Variants in PGBD1 observed in about 807,000 individuals in gnomAD.
PGBD1 encodes piggyBac transposable element derived 1, also known as piggyBac transposable element-derived protein 1.
A neutral mutation model predicts 34.7 loss-of-function variants in PGBD1; 25 were observed. That is an observed-to-expected ratio of 0.72 (90% CI 0.52 to 1.00). PGBD1 has a LOEUF of 1.00. Among genes scored for constraint, PGBD1 ranks in the 50% least tolerant of loss-of-function variants. PGBD1 has a pLI of 0.00. For missense variants in PGBD1, 830 were observed against 959.4 expected (o/e 0.87, Z 1.78); for synonymous variants, 292 against 335.7 (o/e 0.87, Z 1.42).
At chr6:28,291,890 A>G (rs2113749832) in intron 4 of PGBD1, among the ~76,000 whole-genome samples, 1 of 152,336 alleles carries the variant, frequency 6.6e-6, no homozygotes, top group East Asian at 1.9e-4. Flanking sequence ...AGCATTTGAT[A>G]AAATTCATTG....
intron 3 of PGBD1, among the ~76,000 whole-genome samples, chr6:28,286,772 C>T (rs973021499): frequency 6.6e-6 from 1 of 152,070 alleles, no homozygotes; most frequent in African/African-American, 2.4e-5. Context: ...TCACCAGCTT[C>T]TTCCTCCCCT....
intron 4 of PGBD1, among the ~76,000 whole-genome samples, chr6:28,288,685 G>C (rs1332414914): frequency 6.6e-6 from 1 of 151,928 alleles, no homozygotes; most frequent in Non-Finnish European, 1.5e-5. Context: ...GCAAGACCCT[G>C]TATCTATTTA....
At chr6:28,288,172 G>C (rs78007034) in intron 4 of PGBD1, among the ~76,000 whole-genome samples, 4,997 of 152,186 alleles carry the variant, frequency 0.033, 133 homozygotes, top group South Asian at 0.1. Flanking sequence ...AGAGAAAGTG[G>C]GGCCCTTAAT....
chr6:28,284,253 GACA>G (rs757248169), intron 2 of PGBD1, 44 bp downstream of exon 2: 2 of 1,449,724 alleles, frequency 1.4e-6, no homozygotes, highest in East Asian at 4.8e-5. Context: ...AGAAAAGGGG[GACA>G]TGTATCGGTT....
rs145647328 is a variant in PGBD1, at chr6:28,287,128, A to G, written c.602A>G (p.Asp201Gly). The part of the protein sequence containing the change: ...SAHLQEKNPR[D>G]KAVVPVFNPV... ...CATCTCCAGGAAAAAAACCCCAGAG[A>G]CAAGGCTGTAGTGCCTGTGTTTAAC... Residue 201 changes from aspartate (D) to glycine (G), a missense_variant, in exon 4 of 7, where the codon GAC (aspartate) becomes GGC (glycine). Around this residue, in one of 3 missense-constraint regions of PGBD1, gnomAD observed 457 missense variants for 515.4 expected, o/e 0.89. Transcript: ENST00000682144. 1.2e-6 allele frequency: 2 copies of G among 1,614,016 alleles called. No individual in the cohort carries two copies.
intron 3 of PGBD1, among the ~76,000 whole-genome samples, chr6:28,285,911 A>T (rs1762273654): frequency 6.6e-6 from 1 of 152,224 alleles, no homozygotes; most frequent in Non-Finnish European, 1.5e-5. Context: ...TATTATTATT[A>T]CTAACTATAG....
In PGBD1 at chr6:28,302,197, TA is replaced by T. The variant is rs1469073196; in HGVS notation, c.2345del (p.Asn782ThrfsTer6). On this transcript the variant is annotated frameshift_variant, in exon 7 of 7. Transcript: ENST00000682144. LOFTEE classifies it low-confidence loss of function (END_TRUNC). Reference protein sequence around the residue: ...NNAWQLHRACNPGASLDPLDF... With the variant: ...NNAWQLHRACXPGASLDPLDF... ...ATGCATGGCAACTACACAGAGCCTG[TA>T]ACCCAGGTGCTTCTCTAGACCCCTT... is the stretch of plus-strand genomic sequence containing the variant. 1 of 1,614,182 alleles carries T rather than the reference TA, an allele frequency of 6.2e-7. No homozygotes were observed. Among genetic ancestry groups the T allele is most frequent in the Admixed American group, 1.7e-5 (1 of 60,024 alleles).
rs1279410503 is a variant in PGBD1 at position 28,283,922 on chromosome 6, T to A, written c.109T>A (p.Ser37Thr). ...GGTGTGCAACTCACAGGAGGGCAGC[T>A]CCCACACTCAGGAGATTTGCCGCCT... ...EQVCNSQEGS[S>T]HTQEICRLRF... Residue 37 changes from serine to threonine, a missense_variant, in exon 2 of 7, where the codon TCC (serine) becomes ACC (threonine). Coordinates refer to ENST00000682144, the MANE Select transcript of PGBD1 (RefSeq NM_032507.4). 6.2e-7 allele frequency: 1 copy of A among 1,614,030 alleles called. No homozygotes were observed.
chr6:28,292,925 C>CT (rs1299179083), intron 4 of PGBD1, among the ~76,000 whole-genome samples: 6 of 151,942 alleles, frequency 3.9e-5, no homozygotes, highest in African/African-American at 1.2e-4. Context: ...TCCCATGGAG[C>CT]TTTTTTTCTT....
Position 28,302,101 on chromosome 6 carries a change from C to T in PGBD1, c.2247C>T (p.Tyr749=). The change falls in exon 7 of 7, where the codon TAC becomes TAT. Residue 749 remains tyrosine, a synonymous_variant. Transcript: ENST00000682144. ...AAATGGATCAAATTATTTCGAAATA[C>T]AGGGTGAGGATAAGAAGCAAGAAAT... ...VAKMDQIISK[Y]RVRIRSKKWY... 1 of 1,614,064 alleles carries T rather than the reference C, an allele frequency of 6.2e-7. No homozygotes were observed. The highest frequency in any genetic ancestry group is 8.5e-7 in the Non-Finnish European group (1 of 1,179,982).
chr6:28,285,220 G>A (rs1184248922), intron 2 of PGBD1, among the ~76,000 whole-genome samples: 4 of 152,178 alleles, frequency 2.6e-5, no homozygotes, highest in African/African-American at 9.7e-5. Context: ...ACTTCAGGAG[G>A]TGCGTAGTGA....
intron 4 of PGBD1, 58 bp downstream of exon 4, chr6:28,287,226 A>G: frequency 7.0e-7 from 1 of 1,424,294 alleles, no homozygotes; most frequent in Non-Finnish European, 9.9e-7. Context: ...CCCTCATTCC[A>G]TGTTCCTTGC....
intron 4 of PGBD1, among the ~76,000 whole-genome samples, chr6:28,292,606 T>C (rs1762493829): frequency 6.6e-6 from 1 of 152,110 alleles, no homozygotes; most frequent in African/African-American, 2.4e-5. Context: ...ATGACAATAC[T>C]TCCCAAAACA....
At position 28,301,568 on chromosome 6, in the gene PGBD1, T is replaced by G; in HGVS notation, c.1714T>G (p.Cys572Gly). 1 of 1,614,188 alleles carries G rather than the reference T, an allele frequency of 6.2e-7. No homozygotes were observed. The highest frequency in any genetic ancestry group is 8.5e-7 in the Non-Finnish European group (1 of 1,180,020). ...TATTAGAATTGGCTATAAAATTTGG[T>G]GTGGTACAACCACACAGGGTTATCT... ...KPIRIGYKIWCGTTTQGYLVW... is the reference protein window; with the variant it reads ...KPIRIGYKIWGGTTTQGYLVW... The change falls in exon 7 of 7, where the codon TGT becomes GGT. Residue 572 changes from cysteine (C) to glycine (G), a missense_variant. Around this residue, in one of 3 missense-constraint regions of PGBD1, gnomAD observed 372 missense variants for 427.9 expected, o/e 0.87. Coordinates refer to ENST00000682144, the MANE Select transcript of PGBD1 (RefSeq NM_032507.4).
chr6:28,290,492 T>C (rs1762415427), intron 4 of PGBD1, among the ~76,000 whole-genome samples: 1 of 152,252 alleles, frequency 6.6e-6, no homozygotes, highest in South Asian at 2.1e-4. Flanking sequence ...TAGACTGCAA[T>C]ACAATAATAG....
Position 28,284,210 on chromosome 6 carries a change from G to T in PGBD1, c.396+1G>T. ...AGGAAGTGGAGACACAGGACAACAG[G>T]TGGGAAGAGAATGTGTGTGGTGATG... is the stretch of plus-strand genomic sequence containing the variant. On this transcript the variant is annotated splice_donor_variant, in intron 2 of 6. Coordinates refer to ENST00000682144, the MANE Select transcript of PGBD1 (RefSeq NM_032507.4). LOFTEE classifies it high-confidence loss of function. The T allele has an allele frequency of 2.0e-6, 3 of 1,532,884 alleles. No homozygotes were observed. Among genetic ancestry groups the T allele is most frequent in the Non-Finnish European group, 2.6e-6 (3 of 1,137,928 alleles). 95.0% of individuals were successfully genotyped at this position (1,532,884 alleles called of 1,614,324 possible).
intron 1 of PGBD1, 143 bp downstream of exon 1, chr6:28,282,061 G>A (rs1762145824): frequency 6.6e-6 from 1 of 152,214 alleles, no homozygotes; most frequent in African/African-American, 2.4e-5. Context: ...ATCTCAACCT[G>A]TGTGGCTTAC....
At chr6:28,285,523 C>T (rs747272510) in intron 2 of PGBD1, 28 bp from the exon 3 acceptor site, 14 of 1,608,562 alleles carry the variant, frequency 8.7e-6, no homozygotes, top group Non-Finnish European at 1.2e-5. Context: ...ATATGCATGC[C>T]CTTTCAAAAT....
Position 28,290,984 on chromosome 6 carries a change from C to T in PGBD1, c.642+3816C>T, listed in dbSNP as rs144615823. 7.8e-4 allele frequency among the ~76,000 whole-genome samples: 118 copies of T among 151,692 alleles called. 1 individual carries two copies. The highest frequency in any genetic ancestry group is 2.7e-3 in the African/African-American group (111 of 41,440). ...GAAGGAAATTTATAGCAATAAACAC[C>T]TATATCAGAAAAGTAAAAAGACATC... On this transcript the variant is annotated intron_variant, in intron 4 of 6. Coordinates refer to ENST00000682144, the MANE Select transcript of PGBD1 (RefSeq NM_032507.4).
Sources: gnomAD v4.1 joint callset for allele counts (sites outside exome capture counted in the v4.1 genomes callset) on GRCh38, gnomAD v4.1.1 for gene constraint, gnomAD v4.1.1 regional missense constraint, MANE v1.5 for transcripts, NCBI Gene and HGNC (gene_info 2026-07-23, HGNC 2026-07-21) for gene names.